The following SLC24A2 variants were observed in gnomAD, a reference collection of about 807,000 sequenced individuals.
SLC24A2 encodes solute carrier family 24 member 2.
SLC24A2 carries 36 observed loss-of-function variants against 62.0 expected under a neutral mutation model. That is an observed-to-expected ratio of 0.58 (90% CI 0.44 to 0.77). The LOEUF (loss-of-function observed/expected upper bound fraction) is 0.77. Ranked by LOEUF, SLC24A2 falls within the 30% of genes least tolerant of loss-of-function variation. The pLI is 0.00. For missense variants in SLC24A2, 846 were observed against 817.9 expected, an observed-to-expected ratio of 1.03 and a Z score of -0.42; for synonymous variants, 358 against 294.0, an observed-to-expected ratio of 1.22 and a Z score of -2.23.
chr9:19,568,716 T>C (rs62561746), intron 7 of SLC24A2, among the ~76,000 whole-genome samples: 82 of 152,366 alleles, frequency 5.4e-4, no homozygotes, highest in Non-Finnish European at 9.7e-4. Context: ...CCAAAGCACA[T>C]TGCTCCTGTA....
the SLC24A2 span, among the ~76,000 whole-genome samples, chr9:19,866,668 G>C: frequency 9.0e-6 from 1 of 110,744 alleles, no homozygotes; most frequent in African/African-American, 3.5e-5. Context: ...ACGGAGTCTC[G>C]CTCTATCGCC....
the SLC24A2 span, among the ~76,000 whole-genome samples, chr9:19,875,975 T>C: frequency 6.6e-6 from 1 of 152,322 alleles, no homozygotes; most frequent in South Asian, 2.1e-4. Context: ...AAGTTTAATG[T>C]TTGGGAAAAA....
the SLC24A2 span, among the ~76,000 whole-genome samples, chr9:20,216,878 G>A: frequency 1.3e-5 from 2 of 152,078 alleles, no homozygotes; most frequent in Non-Finnish European, 2.9e-5. Flanking sequence ...TTTTCCCAAG[G>A]CAGAGAGAGA....
chr9:20,244,875 G>A, the SLC24A2 span, among the ~76,000 whole-genome samples: 1 of 152,130 alleles, frequency 6.6e-6, no homozygotes, highest in African/African-American at 2.4e-5. Context: ...AAAAAAATCT[G>A]TGGTTTTGAT....
At chr9:20,076,471 A>G in the SLC24A2 span, among the ~76,000 whole-genome samples, 90,160 of 151,896 alleles carry the variant, frequency 0.59, 27,474 homozygotes, top group East Asian at 0.93. Flanking sequence ...AAGGAGGCCA[A>G]TTGCAACTGC....
At chr9:19,624,607 C>T (rs143197563) in intron 2 of SLC24A2, among the ~76,000 whole-genome samples, 18 of 152,262 alleles carry the variant, frequency 1.2e-4, no homozygotes, top group Admixed American at 2.0e-4. Context: ...GCCTGAAATT[C>T]TCTATAAAAT....
the SLC24A2 span, among the ~76,000 whole-genome samples, chr9:20,115,742 C>A: frequency 6.6e-6 from 1 of 152,136 alleles, no homozygotes; most frequent in Non-Finnish European, 1.5e-5. Flanking sequence ...ACATTGAGAG[C>A]TCTGCTTTTC....
chr9:19,987,503 G>A, the SLC24A2 span, among the ~76,000 whole-genome samples: 3 of 152,024 alleles, frequency 2.0e-5, no homozygotes, highest in African/African-American at 7.2e-5. Context: ...ATCTATTCCA[G>A]AGCCAAAATC....
chr9:19,673,832 T>A (rs1207423591), intron 2 of SLC24A2, among the ~76,000 whole-genome samples: 1 of 152,178 alleles, frequency 6.6e-6, no homozygotes, highest in Non-Finnish European at 1.5e-5. Flanking sequence ...CCATTCTGTA[T>A]CTTTTAAGTG....
intron 2 of SLC24A2, among the ~76,000 whole-genome samples, chr9:19,700,306 G>A (rs1193422725): frequency 6.6e-6 from 1 of 152,126 alleles, no homozygotes; most frequent in East Asian, 1.9e-4. Context: ...GCAGGACTCA[G>A]TAAATGTTAG....
the SLC24A2 span, among the ~76,000 whole-genome samples, chr9:20,064,456 C>A: frequency 6.6e-6 from 1 of 151,692 alleles, no homozygotes; most frequent in Non-Finnish European, 1.5e-5. Flanking sequence ...TTATAATTTA[C>A]GGTAAATAAA....
At chr9:20,171,304 T>A in the SLC24A2 span, among the ~76,000 whole-genome samples, 1 of 149,654 alleles carries the variant, frequency 6.7e-6, no homozygotes. Context: ...AAAAATACAA[T>A]AAAAAAAAAC....
the SLC24A2 span, among the ~76,000 whole-genome samples, chr9:19,943,630 G>C: frequency 6.6e-6 from 1 of 152,106 alleles, no homozygotes; most frequent in African/African-American, 2.4e-5. Context: ...AAATAATTAG[G>C]AGAGCACTTT....
chr9:20,058,837 T>C, the SLC24A2 span, among the ~76,000 whole-genome samples: 1 of 152,242 alleles, frequency 6.6e-6, no homozygotes, highest in Non-Finnish European at 1.5e-5. Flanking sequence ...TTCCATTGTC[T>C]TGTAAGTTGA....
chr9:19,755,309 C>T (rs1482894450), intron 2 of SLC24A2, among the ~76,000 whole-genome samples: 1 of 152,146 alleles, frequency 6.6e-6, no homozygotes, highest in Non-Finnish European at 1.5e-5. Context: ...ACCCTCTGTA[C>T]ACTTCTATTA....
the SLC24A2 span, among the ~76,000 whole-genome samples, chr9:20,007,403 G>T: frequency 6.6e-6 from 1 of 152,244 alleles, no homozygotes; most frequent in South Asian, 2.1e-4. Context: ...GCAAGGGAAG[G>T]GGGTGGGGTA....
the SLC24A2 span, among the ~76,000 whole-genome samples, chr9:19,981,978 G>C: frequency 1.3e-5 from 2 of 152,094 alleles, no homozygotes; most frequent in African/African-American, 4.8e-5. Flanking sequence ...GAGAACAGAA[G>C]GAGTAAGCGT....
At chr9:20,019,253 GAGAAAGAAAGAAAGAAAGAA>G in the SLC24A2 span, among the ~76,000 whole-genome samples, 211 of 109,742 alleles carry the variant, frequency 1.9e-3, 6 homozygotes, top group Admixed American at 0.015. Context: ...AAGAAGGAAA[GAGAAAGAAAGAAAGAAAGAA>G]AGAAAGAAAG....
the SLC24A2 span, among the ~76,000 whole-genome samples, chr9:20,208,395 T>G: frequency 6.6e-6 from 1 of 152,322 alleles, no homozygotes; most frequent in East Asian, 1.9e-4. Flanking sequence ...TGCTTCATTT[T>G]CCTCTTCTGA....
Sources: gnomAD v4.1 joint callset for allele counts (sites outside exome capture counted in the v4.1 genomes callset) on GRCh38, gnomAD v4.1.1 for gene constraint, MANE v1.5 for transcripts, NCBI Gene and HGNC (gene_info 2026-07-23, HGNC 2026-07-21) for gene names.